Variants in SPATA7 observed in about 807,000 individuals in gnomAD.
SPATA7 encodes the protein spermatogenesis associated 7.
A neutral mutation model predicts 51.8 loss-of-function variants in SPATA7; 43 were observed. The ratio of observed to expected loss-of-function variants is 0.83; its 90% CI spans 0.65 to 1.07. SPATA7 has a LOEUF of 1.07. SPATA7 is among the 50% of genes least tolerant of loss of function. The probability of loss-of-function intolerance (pLI) is 0.00; values close to 1 mark genes in which losing one functional copy is unlikely to be tolerated. For missense variants in SPATA7, 683 were observed against 701.3 expected, an observed-to-expected ratio of 0.97 and a Z score of 0.30; for synonymous variants, 230 against 252.8, an observed-to-expected ratio of 0.91 and a Z score of 0.86.
Position 88,469,971 on chromosome 14 carries a change from A to T in SPATA7, c.*104A>T. 2 of 1,614,078 alleles carry T rather than the reference A, an allele frequency of 1.2e-6. No individual in the cohort carries two copies. The highest frequency in any genetic ancestry group is 1.7e-6 in the Non-Finnish European group (2 of 1,179,950). ...AATTGCAATTCCCTGTTCCCATACCATCTGCCAAAAATCTTGACAGGTATT... is the reference window on the plus strand; with the variant it reads ...AATTGCAATTCCCTGTTCCCATACCTTCTGCCAAAAATCTTGACAGGTATT... On this transcript the variant is annotated 3_prime_UTR_variant, in exon 5 of 5. Coordinates refer to the SPATA7 transcript ENST00000556406. The surrounding 1 kb of genome is among the most constrained non-coding windows in gnomAD (Gnocchi z 4.3).
intron 3 of SPATA7, among the ~76,000 whole-genome samples, chr14:88,452,301 C>T (rs1002215538): frequency 2.0e-5 from 3 of 152,188 alleles, no homozygotes; most frequent in Non-Finnish European, 4.4e-5. Context: ...CCATGGATAC[C>T]AGCACCTGCT....
chr14:88,388,370 C>T (rs924819580), intron 1 of SPATA7, among the ~76,000 whole-genome samples: 3 of 152,164 alleles, frequency 2.0e-5, no homozygotes, highest in African/African-American at 7.2e-5. Context: ...ATGGGCTGCT[C>T]TCATATACCA....
Position 88,469,530 on chromosome 14 carries a change from A to G in SPATA7, c.255-317A>G. On this transcript the variant is annotated intron_variant, in intron 4 of 4. Transcript: ENST00000556406. The surrounding 1 kb of genome is among the most constrained non-coding windows in gnomAD (Gnocchi z 4.3). ...ATCCCTTGAGGTCTTCTGGACAGCC[A>G]TGTTCAGGCCAGTCTGTGTATTGGA... 2 of 1,614,154 alleles carry G rather than the reference A, an allele frequency of 1.2e-6. No individual in the cohort carries two copies. Among genetic ancestry groups the G allele is most frequent in the African/African-American group, 2.7e-5 (2 of 75,036 alleles).
intron 5 of SPATA7, among the ~76,000 whole-genome samples, chr14:88,421,827 T>G (rs2076651786): frequency 6.6e-6 from 1 of 151,828 alleles, no homozygotes; most frequent in African/African-American, 2.4e-5. Flanking sequence ...CATGCACCTG[T>G]ACTCCTAGCT....
At chr14:88,443,648 A>G (rs568575304) in intron 3 of SPATA7, among the ~76,000 whole-genome samples, 100 of 128,080 alleles carry the variant, frequency 7.8e-4, no homozygotes, top group African/African-American at 2.9e-3. Flanking sequence ...ACGACCCCAC[A>G]ACAGTTCCCA....
intron 4 of SPATA7, among the ~76,000 whole-genome samples, chr14:88,402,927 C>T (rs999914225): frequency 1.4e-4 from 15 of 110,610 alleles, no homozygotes; most frequent in African/African-American, 4.5e-4. Context: ...GTTAATATCC[C>T]AACTGTGTAA....
intron 4 of SPATA7, among the ~76,000 whole-genome samples, chr14:88,408,125 G>GT (rs1373596081): frequency 6.6e-6 from 1 of 152,060 alleles, no homozygotes; most frequent in Non-Finnish European, 1.5e-5. Flanking sequence ...ATTTAAAATA[G>GT]TTTTTTTCTA....
intron 4 of SPATA7, among the ~76,000 whole-genome samples, chr14:88,465,472 TAAA>T (rs1468439222): frequency 6.6e-6 from 1 of 151,738 alleles, no homozygotes; most frequent in Non-Finnish European, 1.5e-5. Flanking sequence ...GTCTCAAAAA[TAAA>T]AAATAAAATG....
chr14:88,386,213 A>G (rs1335091181), intron 1 of SPATA7, among the ~76,000 whole-genome samples: 1 of 152,126 alleles, frequency 6.6e-6, no homozygotes, highest in Non-Finnish European at 1.5e-5. Flanking sequence ...GACGACCCTC[A>G]GTTTTCTTAT....
rs1474772012 is a variant in SPATA7, at chr14:88,467,961, T to C, written c.255-1886T>C. On this transcript the variant is annotated intron_variant, in intron 4 of 4. Transcript: ENST00000556406. Reference sequence around the variant, plus strand: ...ACCTTTCCCAGGTTAGAAACCCCTCTTCAGCCTGTGCTTCGCACGTTTCCT... The same window carrying C: ...ACCTTTCCCAGGTTAGAAACCCCTCCTCAGCCTGTGCTTCGCACGTTTCCT... 3.7e-5 allele frequency: 32 copies of C among 853,782 alleles called. No homozygotes were observed. In the East Asian group the frequency reaches 7.3e-4, roughly 19 times the overall value. The allele number at this position is 853,782 out of a possible 1,614,324, so 52.9% of individuals were successfully genotyped here.
intron 1 of SPATA7, among the ~76,000 whole-genome samples, chr14:88,390,048 T>G (rs566085405): frequency 1.1e-4 from 17 of 152,340 alleles, no homozygotes; most frequent in African/African-American, 3.8e-4. Flanking sequence ...CACATTCTTG[T>G]GTAATCTTTG....
downstream of SPATA7, among the ~76,000 whole-genome samples, chr14:88,455,651 CAGT>C (rs1314349880): frequency 3.3e-5 from 5 of 151,852 alleles, no homozygotes; most frequent in African/African-American, 7.3e-5. Flanking sequence ...ATTGATCAGA[CAGT>C]AGCACATAAA....
intron 4 of SPATA7, among the ~76,000 whole-genome samples, chr14:88,404,948 A>G (rs1002824976): frequency 6.6e-6 from 1 of 152,198 alleles, no homozygotes; most frequent in Non-Finnish European, 1.5e-5. Context: ...GGAGAAGACA[A>G]ACAATAAGCA....
At chr14:88,468,061 G>A (rs1458086245) in intron 4 of SPATA7, 1 of 1,534,944 alleles carries the variant, frequency 6.5e-7, no homozygotes, top group African/African-American at 1.4e-5. Flanking sequence ...CAACGGGAAA[G>A]TATGAGTTAG....
At chr14:88,447,589 TTA>T (rs1030496371) in intron 3 of SPATA7, among the ~76,000 whole-genome samples, 1 of 152,168 alleles carries the variant, frequency 6.6e-6, no homozygotes, top group African/African-American at 2.4e-5. Flanking sequence ...TCGATGGTCT[TTA>T]CATTTTGGCA....
chr14:88,441,062 G>C (rs2077175076), downstream of SPATA7, among the ~76,000 whole-genome samples: 1 of 152,102 alleles, frequency 6.6e-6, no homozygotes, highest in Non-Finnish European at 1.5e-5. Flanking sequence ...CCACTTATGA[G>C]TGAGAACATA....
Position 88,427,658 on chromosome 14 carries a change from A to G in SPATA7, c.874A>G (p.Thr292Ala). Residue 292 changes from threonine to alanine, a missense_variant, in exon 7 of 12, where the codon ACT (threonine) becomes GCT (alanine). By Grantham distance (58) the Thr-to-Ala change is moderately conservative. Coordinates refer to ENST00000393545, the MANE Select transcript of SPATA7 (RefSeq NM_018418.5). ...TAAATCTGAGTTGGGGACAGCTGAGACTAAAAACATGACAGATTCAGAAAT... is the reference window on the plus strand; with the variant it reads ...TAAATCTGAGTTGGGGACAGCTGAGGCTAAAAACATGACAGATTCAGAAAT... ...SFKSELGTAE[T>A]KNMTDSEMNI... is the part of the protein sequence containing the mutation. 1 of 1,610,320 alleles carries G rather than the reference A, an allele frequency of 6.2e-7. No homozygotes were observed. Among genetic ancestry groups the G allele is most frequent in the African/African-American group, 1.3e-5 (1 of 74,964 alleles).
chr14:88,470,156 AAG>A (rs564999985), exon 5 of SPATA7: 12,481 of 1,013,476 alleles, frequency 0.012, 79 homozygotes, highest in Non-Finnish European at 0.016. Flanking sequence ...AAAAAGTAAA[AAG>A]TAAAAAAGTA....
chr14:88,391,309 T>C, intron 1 of SPATA7, 72 bp from the exon 2 acceptor site: 1 of 1,170,976 alleles, frequency 8.5e-7, no homozygotes, highest in Non-Finnish European at 1.2e-6. Context: ...TTAAAAAATA[T>C]TGAATATTGT....
Sources: gnomAD v4.1 joint callset for allele counts (sites outside exome capture counted in the v4.1 genomes callset) on GRCh38, gnomAD v4.1.1 for gene constraint, Gnocchi (gnomAD v3.1) non-coding constraint, MANE v1.5 for transcripts, NCBI Gene and HGNC (gene_info 2026-07-23, HGNC 2026-07-21) for gene names.